Variants in FAM227B observed in about 807,000 individuals in gnomAD.
FAM227B encodes the protein family with sequence similarity 227 member B, also known as protein FAM227B.
A neutral mutation model predicts 73.8 loss-of-function variants in FAM227B; 88 were observed. The observed-to-expected ratio is 1.19, with a 90% CI of 1.00 to 1.42. The LOEUF (loss-of-function observed/expected upper bound fraction) is 1.42, where lower values mean the gene tolerates loss of function less well. FAM227B is among the 40% of genes most tolerant of loss of function. FAM227B has a pLI of 0.00. For synonymous variants in FAM227B, 210 were observed against 190.5 expected, an observed-to-expected ratio of 1.10 and a Z score of -0.84; for missense variants, 632 against 590.9, an observed-to-expected ratio of 1.07 and a Z score of -0.72.
intron 11 of FAM227B, among the ~76,000 whole-genome samples, chr15:49,381,881 A>G (rs1386277240): frequency 3.3e-5 from 5 of 152,192 alleles, no homozygotes; most frequent in Non-Finnish European, 7.4e-5. Flanking sequence ...TCAGCAGTTG[A>G]CCAGTTAGAC....
rs1567383150 is a variant in FAM227B at position 49,489,869 on chromosome 15, TATATATATATATATAGAG to T, written c.1012+18324_1012+18341del. 7.7e-3 allele frequency among the ~76,000 whole-genome samples: 118 copies of T among 15,286 alleles called. 1 individual carries two copies. The highest frequency in any genetic ancestry group is 0.025 in the South Asian group (11 of 442). 10.0% of individuals were successfully genotyped at this position (15,286 alleles called of 152,430 possible). On this transcript the variant is annotated intron_variant, in intron 11 of 15. Coordinates refer to ENST00000299338, the MANE Select transcript of FAM227B (RefSeq NM_152647.3). The stretch of plus-strand genomic sequence containing the variant: ...TATATATATATATATTTTATATATA[TATATATATATATATAGAG>T]AGAGAGAGAGAGAGAGAGAGAGAGA...
At chr15:49,338,476 G>A (rs2040153126) in intron 13 of FAM227B, among the ~76,000 whole-genome samples, 1 of 152,136 alleles carries the variant, frequency 6.6e-6, no homozygotes, top group South Asian at 2.1e-4. Flanking sequence ...TGGTTTGTAG[G>A]GTTTCTGCAG....
intron 9 of FAM227B, among the ~76,000 whole-genome samples, chr15:49,543,356 A>G (rs988333328): frequency 6.6e-6 from 1 of 151,794 alleles, no homozygotes; most frequent in Non-Finnish European, 1.5e-5. Flanking sequence ...TAATGGAATT[A>G]TTTGTTTTTT....
chr15:49,401,276 A>AAATGCAAATCAAAACCAC (rs2048124027), intron 11 of FAM227B, among the ~76,000 whole-genome samples: 1 of 152,284 alleles, frequency 6.6e-6, no homozygotes, highest in African/African-American at 2.4e-5. Flanking sequence ...GCCATCAGAG[A>AAATGCAAATCAAAACCAC]AATGCAAATC....
intron 11 of FAM227B, among the ~76,000 whole-genome samples, chr15:49,398,164 C>A (rs36191020): frequency 0.5 from 75,826 of 151,700 alleles, 19,642 homozygotes; most frequent in African/African-American, 0.65. Context: ...TCTACCAAGC[C>A]AATGGAAAAC....
intron 9 of FAM227B, among the ~76,000 whole-genome samples, chr15:49,544,769 C>T (rs888724027): frequency 1.3e-5 from 2 of 151,860 alleles, no homozygotes; most frequent in Non-Finnish European, 2.9e-5. Context: ...TAAACATATG[C>T]TTTTTAATTT....
intron 11 of FAM227B, among the ~76,000 whole-genome samples, chr15:49,441,605 A>G (rs1362484098): frequency 6.6e-6 from 1 of 151,594 alleles, no homozygotes; most frequent in Non-Finnish European, 1.5e-5. Flanking sequence ...ATTTCATGAC[A>G]TGGTATAATT....
At chr15:49,471,116 GA>G (rs1288216527) in intron 11 of FAM227B, among the ~76,000 whole-genome samples, 1 of 152,132 alleles carries the variant, frequency 6.6e-6, no homozygotes, top group Non-Finnish European at 1.5e-5. Flanking sequence ...AAAGGGAGTA[GA>G]AAAACTAATT....
At chr15:49,482,544 G>A (rs942874567) in intron 11 of FAM227B, among the ~76,000 whole-genome samples, 1 of 151,834 alleles carries the variant, frequency 6.6e-6, no homozygotes, top group Non-Finnish European at 1.5e-5. Context: ...TTCACTTTCA[G>A]TATATTCAAG....
At chr15:49,443,445 A>G (rs2051869584) in intron 11 of FAM227B, among the ~76,000 whole-genome samples, 1 of 151,554 alleles carries the variant, frequency 6.6e-6, no homozygotes, top group Non-Finnish European at 1.5e-5. Flanking sequence ...AAATTGGCCA[A>G]TGCTACAAAT....
intron 10 of FAM227B, among the ~76,000 whole-genome samples, chr15:49,528,125 A>C (rs1193951343): frequency 1.3e-5 from 2 of 151,890 alleles, no homozygotes; most frequent in African/African-American, 4.8e-5. Flanking sequence ...ATAGTAACCC[A>C]AATAACATAG....
intron 12 of FAM227B, among the ~76,000 whole-genome samples, chr15:49,368,198 C>T (rs1452127648): frequency 1.3e-5 from 2 of 151,912 alleles, no homozygotes; most frequent in South Asian, 2.1e-4. Flanking sequence ...AACCTGTTGA[C>T]CAAAAATTCT....
intron 11 of FAM227B, among the ~76,000 whole-genome samples, chr15:49,397,109 G>A (rs1042543768): frequency 3.9e-5 from 6 of 152,136 alleles, no homozygotes; most frequent in Non-Finnish European, 8.8e-5. Flanking sequence ...AAAAAATTTA[G>A]AAGAATGTAT....
chr15:49,519,900 A>AT (rs2059660335), intron 10 of FAM227B, among the ~76,000 whole-genome samples: 1 of 152,008 alleles, frequency 6.6e-6, no homozygotes, highest in African/African-American at 2.4e-5. Context: ...TGGGCTGCAA[A>AT]TTTTCTGAAC....
At chr15:49,422,796 T>C (rs143551251) in intron 11 of FAM227B, 10 of 1,276,790 alleles carry the variant, frequency 7.8e-6, no homozygotes, top group South Asian at 2.6e-5. Flanking sequence ...ATTCAACTTA[T>C]CTACACAGTG....
chr15:49,338,924 A>G (rs569630503), intron 13 of FAM227B, among the ~76,000 whole-genome samples: 2 of 152,248 alleles, frequency 1.3e-5, no homozygotes, highest in South Asian at 2.1e-4. Flanking sequence ...CAATTCAGCT[A>G]TTGATACTTG....
chr15:49,563,617 C>G (rs913568317), intron 9 of FAM227B, among the ~76,000 whole-genome samples: 12 of 152,154 alleles, frequency 7.9e-5, no homozygotes, highest in East Asian at 1.9e-4. Context: ...GTAACCAAAA[C>G]AGCATGGTAC....
intron 2 of FAM227B, among the ~76,000 whole-genome samples, chr15:49,611,897 C>T (rs1303300191): frequency 6.6e-6 from 1 of 152,120 alleles, no homozygotes; most frequent in East Asian, 1.9e-4. Flanking sequence ...GCCTATTTAA[C>T]TCTTACTTCA....
chr15:49,525,434 C>A (rs2060093692), intron 10 of FAM227B, among the ~76,000 whole-genome samples: 1 of 151,762 alleles, frequency 6.6e-6, no homozygotes, highest in Admixed American at 6.6e-5. Flanking sequence ...TACATTAAAC[C>A]TTTTTCCTGT....
Sources: gnomAD v4.1 joint callset for allele counts (sites outside exome capture counted in the v4.1 genomes callset) on GRCh38, gnomAD v4.1.1 for gene constraint, MANE v1.5 for transcripts, NCBI Gene and HGNC (gene_info 2026-07-23, HGNC 2026-07-21) for gene names.